The following SLC15A5 variants were observed in gnomAD, a reference collection of about 807,000 sequenced individuals.
SLC15A5 encodes the protein Peptide/histidine transporter ENSP00000340402.
A neutral mutation model predicts 56.1 loss-of-function variants in SLC15A5; 58 were observed. The ratio of observed to expected loss-of-function variants is 1.03; its 90% CI spans 0.84 to 1.29. SLC15A5 has a LOEUF of 1.29. SLC15A5 is among the 50% of genes most tolerant of loss of function. The pLI is 0.00. For missense variants in SLC15A5, 681 were observed against 672.1 expected (o/e 1.01, Z -0.15); for synonymous variants, 264 against 250.5 (o/e 1.05, Z -0.51).
chr12:16,222,088 C>T (rs1208523725), intron 6 of SLC15A5, among the ~76,000 whole-genome samples: 1 of 152,090 alleles, frequency 6.6e-6, no homozygotes, highest in Non-Finnish European at 1.5e-5. Flanking sequence ...TTTGCCATTA[C>T]TTTTAGTAAT....
At chr12:16,213,873 T>C (rs1348372455) in intron 7 of SLC15A5, among the ~76,000 whole-genome samples, 2 of 152,192 alleles carry the variant, frequency 1.3e-5, no homozygotes, top group African/African-American at 4.8e-5. Context: ...TATAAACTTT[T>C]GTTTCTCTAC....
chr12:16,251,156 A>G (rs1266223551), intron 3 of SLC15A5, among the ~76,000 whole-genome samples: 7 of 151,954 alleles, frequency 4.6e-5, no homozygotes, highest in Admixed American at 4.6e-4. Context: ...ACAAAAACAC[A>G]CTATACCAAA....
At chr12:16,209,541 G>C (rs1036799264) in intron 7 of SLC15A5, among the ~76,000 whole-genome samples, 3 of 151,988 alleles carry the variant, frequency 2.0e-5, no homozygotes, top group African/African-American at 7.3e-5. Flanking sequence ...ATGTCTCACA[G>C]GTATGTCAAA....
intron 7 of SLC15A5, among the ~76,000 whole-genome samples, chr12:16,213,837 A>C (rs1455749112): frequency 6.6e-6 from 1 of 152,142 alleles, no homozygotes; most frequent in Non-Finnish European, 1.5e-5. Flanking sequence ...ATTTCCTTTC[A>C]TGGGCACCAA....
Position 16,196,101 on chromosome 12 carries a change from G to A in SLC15A5, c.1484-1648C>T, listed in dbSNP as rs1863892420. On this transcript the variant is annotated intron_variant, in intron 7 of 8. Transcript: ENST00000344941. This position sits in a 1 kb window ranked among gnomAD's most constrained non-coding sequence, Gnocchi z 4.0. ...TGTCTTATTTATCCTTATATTTTCA[G>A]TATTTAGATCAGTGCCTGACAAATA... 6.6e-6 allele frequency among the ~76,000 whole-genome samples: 1 copy of A among 151,936 alleles called. No homozygotes were observed. The highest frequency in any genetic ancestry group is 2.4e-5 in the African/African-American group (1 of 41,362).
At chr12:16,230,414 T>G (rs1422256022) in intron 5 of SLC15A5, among the ~76,000 whole-genome samples, 3 of 152,134 alleles carry the variant, frequency 2.0e-5, no homozygotes, top group African/African-American at 7.2e-5. Flanking sequence ...CTGAGCTCTT[T>G]TTTTTGTCCT....
chr12:16,199,177 C>T (rs61915890), intron 7 of SLC15A5, among the ~76,000 whole-genome samples: 32,677 of 151,808 alleles, frequency 0.22, 3,797 homozygotes, highest in Middle Eastern at 0.25. Context: ...CCCCACAGAC[C>T]CTGCTTGTTC....
At chr12:16,221,882 A>G (rs1228549504) in intron 6 of SLC15A5, among the ~76,000 whole-genome samples, 3 of 152,012 alleles carry the variant, frequency 2.0e-5, no homozygotes, top group African/African-American at 7.3e-5. Flanking sequence ...GGGAGAGGTG[A>G]GAGGAAAGAG....
At position 16,196,429 on chromosome 12, in the gene SLC15A5, A is replaced by C. The variant is rs1160263281; in HGVS notation, c.1484-1976T>G. On this transcript the variant is annotated intron_variant, in intron 7 of 8. Coordinates refer to ENST00000344941, the MANE Select transcript of SLC15A5 (RefSeq NM_001170798.1). The surrounding 1 kb of genome is among the most constrained non-coding windows in gnomAD (Gnocchi z 4.0). Reference sequence around the variant, plus strand: ...GTGCCCGTGCATGTGTGCACACAGGAACTAAACATTTGATTGTACTTGAGT... The same window carrying C: ...GTGCCCGTGCATGTGTGCACACAGGCACTAAACATTTGATTGTACTTGAGT... Among the ~76,000 whole-genome samples the C allele has an allele frequency of 6.6e-6, 1 of 151,804 alleles. No homozygotes were observed. The highest frequency in any genetic ancestry group is 1.5e-5 in the Non-Finnish European group (1 of 67,894).
chr12:16,277,373 A>T lies in SLC15A5; in HGVS notation c.313T>A (p.Leu105Ile), dbSNP rs1352895447. ...VFVRWLTDVY[L>I]GRNKLVYICL... is the part of the protein sequence containing the mutation. The stretch of plus-strand genomic sequence containing the variant: ...ATGTACACCAGTTTGTTTCTTCCTA[A>T]ATAGACATCAGTGAGCCATCTGACA... The change falls in exon 1 of 9, where the codon TTA becomes ATA. Residue 105 changes from leucine to isoleucine, a missense_variant. Transcript: ENST00000344941. 1 of 1,536,096 alleles carries T rather than the reference A, an allele frequency of 6.5e-7. No homozygotes were observed. The highest frequency in any genetic ancestry group is 2.0e-5 in the Admixed American group (1 of 50,946).
intron 6 of SLC15A5, 29 bp from the exon 7 acceptor site, chr12:16,217,053 G>T (rs759838755): frequency 1.3e-6 from 2 of 1,515,426 alleles, no homozygotes; most frequent in South Asian, 2.5e-5. Flanking sequence ...TCAGAATTTA[G>T]AACTTTCTCC....
chr12:16,203,435 A>G (rs1230773029), intron 7 of SLC15A5, among the ~76,000 whole-genome samples: 1 of 152,180 alleles, frequency 6.6e-6, no homozygotes, highest in Non-Finnish European at 1.5e-5. Context: ...TGAAAAATTT[A>G]CTAAATGCAC....
At position 16,271,969 on chromosome 12, in the gene SLC15A5, G is replaced by A. The variant is rs1864763741; in HGVS notation, c.584+592C>T. Among the ~76,000 whole-genome samples, 1 of 152,156 alleles carries A rather than the reference G, an allele frequency of 6.6e-6. No individual in the cohort carries two copies. The highest frequency in any genetic ancestry group is 2.4e-5 in the African/African-American group (1 of 41,446). On this transcript the variant is annotated intron_variant, in intron 2 of 8. Coordinates refer to ENST00000344941, the MANE Select transcript of SLC15A5 (RefSeq NM_001170798.1). This position sits in a 1 kb window ranked among gnomAD's most constrained non-coding sequence, Gnocchi z 8.0. The stretch of plus-strand genomic sequence containing the variant: ...GTGAGAAACAGAGATGCTGGGTGAT[G>A]CTTTAACAAATTGCAAAATACTTCT...
At chr12:16,274,254 CTTT>C (rs1055496046) in intron 1 of SLC15A5, among the ~76,000 whole-genome samples, 8 of 151,992 alleles carry the variant, frequency 5.3e-5, no homozygotes, top group Non-Finnish European at 1.2e-4. Flanking sequence ...GGCAAATGTT[CTTT>C]AACAATGCAA....
chr12:16,223,541 A>G (rs1327299196), intron 6 of SLC15A5, among the ~76,000 whole-genome samples: 1 of 152,192 alleles, frequency 6.6e-6, no homozygotes, highest in Non-Finnish European at 1.5e-5. Context: ...GAAACCCTTG[A>G]TATTTAATAA....
chr12:16,226,974 T>C (rs893127668), intron 5 of SLC15A5, among the ~76,000 whole-genome samples: 1 of 152,186 alleles, frequency 6.6e-6, no homozygotes, highest in African/African-American at 2.4e-5. Flanking sequence ...ATCAATCTAA[T>C]GTTTAAATAG....
At chr12:16,246,083 C>A (rs1420555934) in intron 3 of SLC15A5, among the ~76,000 whole-genome samples, 1 of 152,056 alleles carries the variant, frequency 6.6e-6, no homozygotes, top group Non-Finnish European at 1.5e-5. Context: ...TGGTAGTGAC[C>A]AAGAATGATT....
At chr12:16,217,342 T>A (rs1237787405) in intron 6 of SLC15A5, among the ~76,000 whole-genome samples, 1 of 152,192 alleles carries the variant, frequency 6.6e-6, no homozygotes, top group Non-Finnish European at 1.5e-5. Context: ...GATAGAGGTG[T>A]GGCCTCTATT....
intron 4 of SLC15A5, among the ~76,000 whole-genome samples, 190 bp downstream of exon 4, chr12:16,244,390 A>G (rs780253337): frequency 6.6e-6 from 1 of 152,174 alleles, no homozygotes; most frequent in Non-Finnish European, 1.5e-5. Context: ...GGGTCTCCTC[A>G]GGTATACCTC....
Sources: allele counts gnomAD v4.1 joint callset (sites outside exome capture counted in the v4.1 genomes callset), GRCh38; gene constraint gnomAD v4.1.1; non-coding constraint Gnocchi (gnomAD v3.1); transcripts MANE v1.5; gene names NCBI Gene and HGNC (gene_info 2026-07-23, HGNC 2026-07-21).